DESI1: variants seen among roughly 807,000 people sequenced by gnomAD.
DESI1 encodes desumoylating isopeptidase 1.
A neutral mutation model predicts 22.4 loss-of-function variants in DESI1; 17 were observed. That is an observed-to-expected ratio of 0.76 (90% CI 0.52 to 1.14). The LOEUF (loss-of-function observed/expected upper bound fraction) is 1.14. DESI1 is among the 50% of genes most tolerant of loss of function. DESI1 has a pLI of 0.00. For missense variants in DESI1, 177 were observed against 208.9 expected, an observed-to-expected ratio of 0.85 and a Z score of 0.94; for synonymous variants, 92 against 84.2, an observed-to-expected ratio of 1.09 and a Z score of -0.51.
intron 1 of DESI1, among the ~76,000 whole-genome samples, chr22:41,611,305 G>A (rs1304822533): frequency 6.6e-6 from 1 of 152,088 alleles, no homozygotes; most frequent in Non-Finnish European, 1.5e-5. Flanking sequence ...GCTAATTTCT[G>A]TATTTTTAGT....
Position 41,601,105 on chromosome 22 carries a change from G to T in DESI1, c.499C>A (p.Gln167Lys). 6.2e-7 allele frequency: 1 copy of T among 1,613,168 alleles called. No individual in the cohort carries two copies. The highest frequency in any genetic ancestry group is 1.1e-5 in the South Asian group (1 of 90,870). ...GGSSVGRPNG[Q>K]S is the part of the protein sequence containing the mutation. ...GGTCCCAGGCAGTCCTGTTAGCTCTGGCCGTTGGGTCTGCCCACGGAGCTC... is the reference window on the plus strand; with the variant it reads ...GGTCCCAGGCAGTCCTGTTAGCTCTTGCCGTTGGGTCTGCCCACGGAGCTC... Residue 167 changes from glutamine to lysine, a missense_variant, in exon 6 of 6, where the codon CAG becomes AAG. Transcript: ENST00000263256.
chr22:41,605,276 G>A (rs545865733), intron 3 of DESI1, among the ~76,000 whole-genome samples: 274 of 152,282 alleles, frequency 1.8e-3, no homozygotes, highest in African/African-American at 6.4e-3. Flanking sequence ...CCATCATAGG[G>A]CAAGGGAGTT....
chr22:41,602,374 A>G (rs1168617659), intron 5 of DESI1: 4 of 985,352 alleles, frequency 4.1e-6, no homozygotes, highest in Non-Finnish European at 4.8e-6. Context: ...CTGCAAACTC[A>G]TCGAATGATA....
At chr22:41,620,073 C>G (rs1218170672) in intron 1 of DESI1, among the ~76,000 whole-genome samples, 2 of 152,170 alleles carry the variant, frequency 1.3e-5, no homozygotes, top group Admixed American at 1.3e-4. Context: ...CAGCCTCATC[C>G]AAACTTCCCC....
rs132764 is a variant in DESI1 at position 41,611,591 on chromosome 22, C to CT, written c.89-3731dup. On this transcript the variant is annotated intron_variant, in intron 1 of 5. Transcript: ENST00000263256. ...ACCTGCTTTCTCTTACCTGTTCCTT[C>CT]TTTTTTTTTTTTTTTTTTTTTGAGA... is the stretch of plus-strand genomic sequence containing the variant. Among the ~76,000 whole-genome samples, 228 of 103,888 alleles carry CT rather than the reference C, an allele frequency of 2.2e-3. 3 individuals carry two copies. In the South Asian group the frequency reaches 0.023, roughly 11 times the overall value. The allele number at this position is 103,888 out of a possible 152,430, so 68.2% of individuals were successfully genotyped here.
intron 1 of DESI1, among the ~76,000 whole-genome samples, chr22:41,619,485 C>T (rs2067570562): frequency 6.6e-6 from 1 of 152,172 alleles, no homozygotes; most frequent in Admixed American, 6.5e-5. Flanking sequence ...TGTATCCTTA[C>T]GGATAATTAT....
chr22:41,603,173 G>A, intron 5 of DESI1, 86 bp downstream of exon 5: 5 of 1,597,290 alleles, frequency 3.1e-6, no homozygotes, highest in Non-Finnish European at 4.3e-6. Context: ...TGGGAGGGCA[G>A]ATGGGGGCCA....
chr22:41,607,808 C>A (rs779380772), intron 2 of DESI1, 32 bp downstream of exon 2: 1 of 1,613,858 alleles, frequency 6.2e-7, no homozygotes, highest in East Asian at 2.2e-5. Context: ...TGTTTCAAAA[C>A]TAGTCAAAGT....
At chr22:41,605,302 G>C (rs1220246156) in intron 3 of DESI1, among the ~76,000 whole-genome samples, 2 of 152,176 alleles carry the variant, frequency 1.3e-5, no homozygotes, top group Non-Finnish European at 2.9e-5. Flanking sequence ...CTCCCGAAAG[G>C]CCTACAGAAA....
chr22:41,616,037 G>A (rs1171002372), intron 1 of DESI1, among the ~76,000 whole-genome samples: 1 of 152,202 alleles, frequency 6.6e-6, no homozygotes, highest in Non-Finnish European at 1.5e-5. Flanking sequence ...GAGATCAGGA[G>A]TTTGAGACCA....
intron 1 of DESI1, among the ~76,000 whole-genome samples, chr22:41,610,621 G>C (rs1433001698): frequency 3.9e-5 from 6 of 152,006 alleles, no homozygotes; most frequent in Non-Finnish European, 4.4e-5. Flanking sequence ...CTCTGGCCCG[G>C]AAGACCACAA....
chr22:41,606,648 C>T (rs1395874832), intron 3 of DESI1, among the ~76,000 whole-genome samples: 1 of 151,710 alleles, frequency 6.6e-6, no homozygotes, highest in African/African-American at 2.4e-5. Context: ...GTGGCAGGCA[C>T]CTGTAATCCC....
intron 3 of DESI1, among the ~76,000 whole-genome samples, chr22:41,605,085 C>G (rs1337222045): frequency 6.6e-6 from 1 of 152,206 alleles, no homozygotes; most frequent in Non-Finnish European, 1.5e-5. Flanking sequence ...AAATGGCTCA[C>G]ACTTCACAGG....
intron 1 of DESI1, among the ~76,000 whole-genome samples, chr22:41,613,108 T>C (rs774709732): frequency 6.6e-6 from 1 of 152,212 alleles, no homozygotes; most frequent in South Asian, 2.1e-4. Context: ...GTTAAATAAA[T>C]GCACAAATTC....
chr22:41,601,005 T>A lies in DESI1; in HGVS notation c.*92A>T. 8.3e-7 allele frequency: 1 copy of A among 1,204,924 alleles called. No individual in the cohort carries two copies. The highest frequency in any genetic ancestry group is 1.2e-6 in the Non-Finnish European group (1 of 839,254). The allele number at this position is 1,204,924 out of a possible 1,614,324, so 74.6% of individuals were successfully genotyped here. Reference sequence around the variant, plus strand: ...AAAGCCGTCCCCTGGTTGTTAGCTCTGATGTAAAATTATAAAATAGAAATC... The same window carrying A: ...AAAGCCGTCCCCTGGTTGTTAGCTCAGATGTAAAATTATAAAATAGAAATC... On this transcript the variant is annotated 3_prime_UTR_variant, in exon 6 of 6. Coordinates refer to ENST00000263256, the MANE Select transcript of DESI1 (RefSeq NM_015704.3).
At chr22:41,605,508 G>A (rs2067473983) in intron 3 of DESI1, among the ~76,000 whole-genome samples, 1 of 152,196 alleles carries the variant, frequency 6.6e-6, no homozygotes, top group Non-Finnish European at 1.5e-5. Flanking sequence ...AGCTGACATT[G>A]TTCTGGGCAC....
At chr22:41,608,784 A>G (rs1455748224) in intron 1 of DESI1, among the ~76,000 whole-genome samples, 1 of 152,148 alleles carries the variant, frequency 6.6e-6, no homozygotes, top group Non-Finnish European at 1.5e-5. Flanking sequence ...CCATCACAAG[A>G]GTCCATGAGA....
At chr22:41,603,490 C>A in intron 4 of DESI1, 109 bp from the exon 5 acceptor site, 1 of 1,508,364 alleles carries the variant, frequency 6.6e-7, no homozygotes. Flanking sequence ...GTGAGGATTG[C>A]GATTTCCCCC....
rs756720545 is a variant in DESI1, at chr22:41,601,080, G to C, written c.*17C>G. 3.1e-6 allele frequency: 5 copies of C among 1,605,496 alleles called. No homozygotes were observed. Among genetic ancestry groups the C allele is most frequent in the Non-Finnish European group, 1.7e-6 (2 of 1,173,450 alleles). On this transcript the variant is annotated 3_prime_UTR_variant, in exon 6 of 6. Transcript: ENST00000263256. Reference sequence around the variant, plus strand: ...AGGAAAAGCCCTGGTGAGGCAGGGCGGTCCCAGGCAGTCCTGTTAGCTCTG... The same window carrying C: ...AGGAAAAGCCCTGGTGAGGCAGGGCCGTCCCAGGCAGTCCTGTTAGCTCTG...
Sources: gnomAD v4.1 joint callset for allele counts (sites outside exome capture counted in the v4.1 genomes callset) on GRCh38, gnomAD v4.1.1 for gene constraint, MANE v1.5 for transcripts, NCBI Gene and HGNC (gene_info 2026-07-23, HGNC 2026-07-21) for gene names.